GLIS3: variants seen among roughly 807,000 people sequenced by gnomAD.
GLIS3 encodes the protein zinc finger protein GLIS3.
In GLIS3, 53 loss-of-function variants were observed where a neutral mutation model predicts 78.6. That is an observed-to-expected ratio of 0.67 (90% CI 0.54 to 0.85). The LOEUF (loss-of-function observed/expected upper bound fraction) is 0.85, where lower values mean the gene tolerates loss of function less well. Among genes scored for constraint, GLIS3 ranks in the 40% least tolerant of loss-of-function variants. The pLI, the probability that GLIS3 is intolerant of heterozygous loss-of-function variation, is 0.00. For synonymous variants in GLIS3, 684 were observed against 509.9 expected (o/e 1.34, Z -4.60); for missense variants, 1,703 against 1,231.1 (o/e 1.38, Z -5.74).
intron 2 of GLIS3, among the ~76,000 whole-genome samples, chr9:4,277,397 A>C (rs949798396): frequency 6.6e-6 from 1 of 152,260 alleles, no homozygotes; most frequent in African/African-American, 2.4e-5. Flanking sequence ...GTAAAAAATA[A>C]ACATGAAACT....
At chr9:3,984,150 T>A (rs1250421040) in intron 4 of GLIS3, among the ~76,000 whole-genome samples, 1 of 152,066 alleles carries the variant, frequency 6.6e-6, no homozygotes, top group Non-Finnish European at 1.5e-5. Context: ...CCACACAAAG[T>A]CCCTCCTAGG....
intron 8 of GLIS3, among the ~76,000 whole-genome samples, chr9:3,859,433 C>G (rs917897492): frequency 8.0e-5 from 12 of 150,232 alleles, no homozygotes; most frequent in African/African-American, 2.9e-4. Context: ...TATTCTGTCC[C>G]CAAAAGTTAA....
chr9:3,841,297 G>C (rs905910045), intron 9 of GLIS3, among the ~76,000 whole-genome samples: 4 of 152,164 alleles, frequency 2.6e-5, no homozygotes, highest in African/African-American at 4.8e-5. Flanking sequence ...AGTCCTGATG[G>C]TGATAATGCA....
chr9:4,244,005 T>C (rs1356988893), intron 2 of GLIS3, among the ~76,000 whole-genome samples: 1 of 152,236 alleles, frequency 6.6e-6, no homozygotes, highest in Non-Finnish European at 1.5e-5. Flanking sequence ...CCCTGCCTTC[T>C]CCTTACTCTC....
At chr9:3,865,239 C>T (rs1375295564) in intron 8 of GLIS3, among the ~76,000 whole-genome samples, 1 of 152,172 alleles carries the variant, frequency 6.6e-6, no homozygotes, top group African/African-American at 2.4e-5. Context: ...TTCTGCTCAC[C>T]TCCATACTCT....
intron 2 of GLIS3, among the ~76,000 whole-genome samples, chr9:4,238,385 G>C (rs1822976278): frequency 6.6e-6 from 1 of 152,154 alleles, no homozygotes; most frequent in Non-Finnish European, 1.5e-5. Flanking sequence ...CATTCTATTT[G>C]AGAATGAGAG....
At chr9:4,382,001 C>A in the GLIS3 span, among the ~76,000 whole-genome samples, 3 of 152,216 alleles carry the variant, frequency 2.0e-5, no homozygotes, top group Non-Finnish European at 4.4e-5. Flanking sequence ...TGGACTTTGA[C>A]AGCTCCTCTT....
chr9:3,936,257 G>T (rs1825893698), intron 5 of GLIS3, among the ~76,000 whole-genome samples: 1 of 152,122 alleles, frequency 6.6e-6, no homozygotes, highest in South Asian at 2.1e-4. Flanking sequence ...CTAGTGTAAC[G>T]AAAATGGCAT....
the GLIS3 span, among the ~76,000 whole-genome samples, chr9:4,374,382 G>T: frequency 2.0e-5 from 3 of 152,222 alleles, no homozygotes; most frequent in Non-Finnish European, 4.4e-5. Flanking sequence ...CGGGCTCCTT[G>T]CTATCTTGAA....
chr9:3,867,048 A>T (rs1057085236), intron 8 of GLIS3, among the ~76,000 whole-genome samples: 1 of 152,170 alleles, frequency 6.6e-6, no homozygotes, highest in African/African-American at 2.4e-5. Context: ...TAGATGTGAG[A>T]GTGTTTGGGA....
the GLIS3 span, among the ~76,000 whole-genome samples, chr9:4,359,292 G>A: frequency 6.6e-6 from 1 of 151,848 alleles, no homozygotes; most frequent in Non-Finnish European, 1.5e-5. Flanking sequence ...ACTGGCATAT[G>A]GCTCATCAGA....
chr9:3,916,292 A>T (rs780184847), intron 6 of GLIS3, among the ~76,000 whole-genome samples: 3 of 152,224 alleles, frequency 2.0e-5, no homozygotes, highest in African/African-American at 7.2e-5. Context: ...GAATATCTCT[A>T]TTCTACCAAG....
Position 3,879,493 on chromosome 9 carries a change from T to G in GLIS3, c.2231A>C (p.Gln744Pro). Reference sequence around the variant, plus strand: ...GGAGGAGGGGTTGTGAGGGCTCCCCTGTACATTATGTCCTGGAGAAGGGTG... The same window carrying G: ...GGAGGAGGGGTTGTGAGGGCTCCCCGGTACATTATGTCCTGGAGAAGGGTG... ...VSHPSPGHNVQGSPHNPSSQL... is the reference protein window; with the variant it reads ...VSHPSPGHNVPGSPHNPSSQL... Residue 744 changes from glutamine to proline, a missense_variant, in exon 8 of 11, where the codon CAG becomes CCG. Coordinates refer to ENST00000381971, the MANE Select transcript of GLIS3 (RefSeq NM_001042413.2). The G allele has an allele frequency of 1.9e-6, 3 of 1,614,076 alleles. No homozygotes were observed. Among genetic ancestry groups the G allele is most frequent in the South Asian group, 1.1e-5 (1 of 91,066 alleles).
chr9:4,018,369 C>G, intron 4 of GLIS3, among the ~76,000 whole-genome samples: 1 of 152,142 alleles, frequency 6.6e-6, no homozygotes, highest in East Asian at 1.9e-4. Context: ...TCCCCAGAAC[C>G]CACAGCTGAA....
chr9:4,301,239 G>T (rs191329659), upstream of GLIS3, among the ~76,000 whole-genome samples: 1 of 152,252 alleles, frequency 6.6e-6, no homozygotes, highest in Non-Finnish European at 1.5e-5. Context: ...ATATTTGTCA[G>T]CAGAAGTAGG....
intron 2 of GLIS3, among the ~76,000 whole-genome samples, chr9:4,219,334 A>T (rs918248336): frequency 3.9e-5 from 6 of 152,252 alleles, no homozygotes; most frequent in African/African-American, 1.4e-4. Context: ...AGAACTTTTT[A>T]AACACTGTAT....
the GLIS3 span, among the ~76,000 whole-genome samples, chr9:4,392,830 A>G: frequency 6.6e-6 from 1 of 152,188 alleles, no homozygotes; most frequent in African/African-American, 2.4e-5. Context: ...AGAAACACAC[A>G]AGAGTACATT....
chr9:4,093,305 G>C (rs1037060404), intron 4 of GLIS3, among the ~76,000 whole-genome samples: 4 of 152,088 alleles, frequency 2.6e-5, no homozygotes, highest in African/African-American at 7.2e-5. Context: ...GTTCCTGCTG[G>C]AAAAATACTG....
intron 4 of GLIS3, among the ~76,000 whole-genome samples, chr9:3,984,868 C>T (rs184901230): frequency 7.1e-4 from 108 of 152,148 alleles, no homozygotes; most frequent in Middle Eastern, 3.4e-3. Flanking sequence ...ATGAGTCTCG[C>T]GAGATCTGAT....
Sources: gnomAD v4.1 joint callset for allele counts (sites outside exome capture counted in the v4.1 genomes callset) on GRCh38, gnomAD v4.1.1 for gene constraint, MANE v1.5 for transcripts, NCBI Gene and HGNC (gene_info 2026-07-23, HGNC 2026-07-21) for gene names.